TCF7L1: variants seen among roughly 807,000 people sequenced by gnomAD.
TCF7L1 encodes transcription factor 7-like 1.
In TCF7L1, 18 loss-of-function variants were observed where a neutral mutation model predicts 63.7. That is an observed-to-expected ratio of 0.28 (90% CI 0.20 to 0.42). The LOEUF (loss-of-function observed/expected upper bound fraction) is 0.42, where lower values mean the gene tolerates loss of function less well. Ranked by LOEUF, TCF7L1 falls within the 10% of genes least tolerant of loss-of-function variation. The pLI is 1.00. For missense variants in TCF7L1, 654 were observed against 779.3 expected (o/e 0.84, Z 1.91); for synonymous variants, 355 against 340.9 (o/e 1.04, Z -0.46).
chr2:85,215,934 A>G (rs1340721055), intron 3 of TCF7L1, among the ~76,000 whole-genome samples: 1 of 152,200 alleles, frequency 6.6e-6, no homozygotes, highest in Non-Finnish European at 1.5e-5. Context: ...TCCGATACTC[A>G]TAACAGAAAC....
At chr2:85,219,755 C>T (rs1259002313) in intron 3 of TCF7L1, among the ~76,000 whole-genome samples, 1 of 152,098 alleles carries the variant, frequency 6.6e-6, no homozygotes, top group East Asian at 1.9e-4. Context: ...TAAAAAATAC[C>T]TAAAATGTAG....
At chr2:85,181,281 C>G (rs1678801030) in intron 3 of TCF7L1, among the ~76,000 whole-genome samples, 1 of 152,238 alleles carries the variant, frequency 6.6e-6, no homozygotes, top group African/African-American at 2.4e-5. Context: ...GGAATGTATT[C>G]CTTGTCTAAC....
At chr2:85,202,265 C>T (rs778771075) in intron 3 of TCF7L1, among the ~76,000 whole-genome samples, 3 of 152,040 alleles carry the variant, frequency 2.0e-5, no homozygotes, top group Non-Finnish European at 4.4e-5. Context: ...TGCCCGGGCT[C>T]TTTTGACCTT....
intron 3 of TCF7L1, among the ~76,000 whole-genome samples, chr2:85,185,664 G>C (rs1181852473): frequency 1.3e-5 from 2 of 152,070 alleles, no homozygotes; most frequent in Non-Finnish European, 1.5e-5. Flanking sequence ...TGGAGAGAGA[G>C]GATGTGTCTC....
chr2:85,297,170 G>T (rs371454355), intron 4 of TCF7L1, among the ~76,000 whole-genome samples: 7 of 152,304 alleles, frequency 4.6e-5, no homozygotes, highest in African/African-American at 1.7e-4. Flanking sequence ...GTAAGGAAAG[G>T]CTTATCCCAA....
chr2:85,240,264 C>T (rs1039178800), intron 3 of TCF7L1, among the ~76,000 whole-genome samples: 2 of 152,196 alleles, frequency 1.3e-5, no homozygotes, highest in Admixed American at 1.3e-4. Flanking sequence ...ATGATTATGT[C>T]CCTGCACCTC....
intron 3 of TCF7L1, among the ~76,000 whole-genome samples, chr2:85,238,453 C>T (rs1476386883): frequency 2.0e-5 from 3 of 152,158 alleles, no homozygotes; most frequent in Non-Finnish European, 2.9e-5. Context: ...GCATCTTATC[C>T]GGCACATGGC....
rs540291331 is a variant in TCF7L1 at position 85,240,626 on chromosome 2, A to C, written c.442-42869A>C. 2.1e-3 allele frequency among the ~76,000 whole-genome samples: 312 copies of C among 151,800 alleles called. 1 individual carries two copies. Among genetic ancestry groups the C allele is most frequent in the African/African-American group, 7.3e-3 (302 of 41,294 alleles). On this transcript the variant is annotated intron_variant, in intron 3 of 11. Coordinates refer to ENST00000282111, the MANE Select transcript of TCF7L1 (RefSeq NM_031283.3). Reference sequence around the variant, plus strand: ...ATCTCTACTAAAAATACAAAAAAAAAAAAAAAATTAGCTGGACATGGTGGC... The same window carrying C: ...ATCTCTACTAAAAATACAAAAAAAACAAAAAAATTAGCTGGACATGGTGGC...
At chr2:85,257,753 G>A (rs1680752934) in intron 3 of TCF7L1, among the ~76,000 whole-genome samples, 1 of 152,220 alleles carries the variant, frequency 6.6e-6, no homozygotes, top group South Asian at 2.1e-4. Context: ...CCTGAACTCT[G>A]TGGGACACAC....
chr2:85,253,661 G>A (rs967683752), intron 3 of TCF7L1, among the ~76,000 whole-genome samples: 1 of 152,146 alleles, frequency 6.6e-6, no homozygotes, highest in Non-Finnish European at 1.5e-5. Context: ...GAGCTTTGGA[G>A]CCTCAAAGAA....
intron 3 of TCF7L1, among the ~76,000 whole-genome samples, chr2:85,224,501 T>C (rs909890731): frequency 5.3e-5 from 8 of 152,330 alleles, no homozygotes; most frequent in Middle Eastern, 3.4e-3. Context: ...AGAAATCTCA[T>C]TGTGTTTTTG....
intron 3 of TCF7L1, among the ~76,000 whole-genome samples, chr2:85,205,466 G>C (rs72840137): frequency 0.046 from 6,984 of 151,666 alleles, 181 homozygotes; most frequent in Middle Eastern, 0.056. Flanking sequence ...ATTGTTGTGT[G>C]CATCTACACT....
intron 3 of TCF7L1, among the ~76,000 whole-genome samples, chr2:85,244,505 G>A (rs539329360): frequency 6.6e-6 from 1 of 151,310 alleles, no homozygotes; most frequent in African/African-American, 2.4e-5. Flanking sequence ...CAAATGTGGG[G>A]AGCAAGAGGA....
At chr2:85,242,711 C>A (rs1476190426) in intron 3 of TCF7L1, among the ~76,000 whole-genome samples, 1 of 152,200 alleles carries the variant, frequency 6.6e-6, no homozygotes, top group Non-Finnish European at 1.5e-5. Context: ...TCACAGCACC[C>A]ACTTTCTCCC....
chr2:85,212,899 TGTCATTAC>T (rs1245922197), intron 3 of TCF7L1, among the ~76,000 whole-genome samples: 5 of 152,056 alleles, frequency 3.3e-5, no homozygotes, highest in Non-Finnish European at 7.4e-5. Context: ...GACCCTTCTG[TGTCATTAC>T]GGGATTGGGA....
intron 3 of TCF7L1, among the ~76,000 whole-genome samples, chr2:85,229,718 T>C (rs535218354): frequency 6.6e-6 from 1 of 152,230 alleles, no homozygotes; most frequent in East Asian, 1.9e-4. Flanking sequence ...TTTTAAAATG[T>C]TGGTCCAGTT....
intron 3 of TCF7L1, among the ~76,000 whole-genome samples, chr2:85,192,489 G>A (rs1679057047): frequency 6.6e-6 from 1 of 152,128 alleles, no homozygotes; most frequent in African/African-American, 2.4e-5. Flanking sequence ...CCGGATTCAA[G>A]CGATTCTCAT....
intron 3 of TCF7L1, among the ~76,000 whole-genome samples, chr2:85,256,931 T>C (rs2104341625): frequency 6.6e-6 from 1 of 151,960 alleles, no homozygotes; most frequent in African/African-American, 2.4e-5. Flanking sequence ...TGCACTGAGC[T>C]GAGATCGCAC....
chr2:85,278,632 T>C (rs1444387539), intron 3 of TCF7L1, among the ~76,000 whole-genome samples: 1 of 152,108 alleles, frequency 6.6e-6, no homozygotes, highest in East Asian at 1.9e-4. Context: ...AATGTAAAAA[T>C]AGGATTAGAA....
Sources: gnomAD v4.1 joint callset for allele counts (sites outside exome capture counted in the v4.1 genomes callset) on GRCh38, gnomAD v4.1.1 for gene constraint, MANE v1.5 for transcripts, NCBI Gene and HGNC (gene_info 2026-07-23, HGNC 2026-07-21) for gene names.